GALNT15: variants seen among roughly 807,000 people sequenced by gnomAD.
The protein encoded by GALNT15 is polypeptide N-acetylgalactosaminyltransferase 15, also known as UDP-GalNAc transferase T15.
GALNT15 carries 67 observed loss-of-function variants against 66.8 expected under a neutral mutation model. That is an observed-to-expected ratio of 1.00 (90% confidence interval 0.82 to 1.23). GALNT15 has a LOEUF of 1.23. GALNT15 is among the 50% of genes most tolerant of loss of function. GALNT15 has a pLI of 0.00. For synonymous variants in GALNT15, 313 were observed against 311.5 expected (o/e 1.00, Z -0.05); for missense variants, 827 against 804.3 (o/e 1.03, Z -0.34).
At position 16,209,644 on chromosome 3, in the gene GALNT15, C is replaced by A. The variant is rs935374223; in HGVS notation, c.1079+974C>A. Among the ~76,000 whole-genome samples, 1 of 152,022 alleles carries A rather than the reference C, an allele frequency of 6.6e-6. No homozygotes were observed. The highest frequency in any genetic ancestry group is 1.5e-5 in the Non-Finnish European group (1 of 68,010). On this transcript the variant is annotated intron_variant, in intron 4 of 9. Coordinates refer to ENST00000339732, the MANE Select transcript of GALNT15 (RefSeq NM_054110.5). This position sits in a 1 kb window ranked among gnomAD's most constrained non-coding sequence, Gnocchi z 4.1. ...ACCAACCTGGCCATCATGGCGAAACCCCATCTCTACTAAAATTACAAAAAA... is the reference window on the plus strand; with the variant it reads ...ACCAACCTGGCCATCATGGCGAAACACCATCTCTACTAAAATTACAAAAAA...
Position 16,227,590 on chromosome 3 carries a change from C to A in GALNT15, c.*90C>A, listed in dbSNP as rs2064036617. On this transcript the variant is annotated 3_prime_UTR_variant, in exon 10 of 10. Transcript: ENST00000339732. This position sits in a 1 kb window ranked among gnomAD's most constrained non-coding sequence, Gnocchi z 4.5. Reference sequence around the variant, plus strand: ...AGCTTATATATTTCATGAAGCTGATCCTTTTGTGTGTGTGCTCCTGGTGTT... The same window carrying A: ...AGCTTATATATTTCATGAAGCTGATACTTTTGTGTGTGTGCTCCTGGTGTT... The A allele has an allele frequency of 6.2e-7, 1 of 1,606,288 alleles. No individual in the cohort carries two copies. The highest frequency in any genetic ancestry group is 8.5e-7 in the Non-Finnish European group (1 of 1,177,650).
chr3:16,229,908 C>T lies in GALNT15; in HGVS notation c.*2408C>T, dbSNP rs1374000462. 6.6e-6 allele frequency among the ~76,000 whole-genome samples: 1 copy of T among 152,174 alleles called. No homozygotes were observed. Among genetic ancestry groups the T allele is most frequent in the African/African-American group, 2.4e-5 (1 of 41,438 alleles). ...CAACTCAGTCCCTGGCTGGTATTTA[C>T]AGACCCTTAATTTAAGTAAAACAGA... On this transcript the variant is annotated 3_prime_UTR_variant, in exon 10 of 10. Transcript: ENST00000339732.
At chr3:16,190,671 C>G (rs922578399) in intron 1 of GALNT15, among the ~76,000 whole-genome samples, 19 of 151,514 alleles carry the variant, frequency 1.3e-4, no homozygotes, top group African/African-American at 3.9e-4. Context: ...ACAAAAGAAT[C>G]CCTGGCTTTT....
chr3:16,240,603 A>T, the GALNT15 span, among the ~76,000 whole-genome samples: 4 of 152,210 alleles, frequency 2.6e-5, no homozygotes, highest in Admixed American at 1.3e-4. Context: ...TGCCATGGGG[A>T]TATGCCCAGC....
chr3:16,238,342 G>C, the GALNT15 span, among the ~76,000 whole-genome samples: 1 of 151,964 alleles, frequency 6.6e-6, no homozygotes, highest in East Asian at 1.9e-4. The surrounding 1 kb of genome is among the most constrained non-coding windows in gnomAD (Gnocchi z 4.8). Flanking sequence ...CAACCATAGT[G>C]CTAAGGCTGT....
chr3:16,220,164 C>T, intron 8 of GALNT15, 150 bp downstream of exon 8: 1 of 653,912 alleles, frequency 1.5e-6, no homozygotes, highest in Non-Finnish European at 2.8e-6. Flanking sequence ...ACTGTAATGA[C>T]TCATCACAGC....
rs2063690275 is a variant in GALNT15 at position 16,200,655 on chromosome 3, G to C, written c.743G>C (p.Arg248Thr). ...LKSALSEYVA[R>T]LEGVKLLRSN... ...TCTGCTCTCAGCGAATATGTGGCCA[G>C]GCTGGAGGGGGTGAAGTTACTCAGG... The change falls in exon 3 of 10, where the codon AGG (arginine) becomes ACG (threonine). Residue 248 changes from arginine to threonine, a missense_variant. Physicochemically the swap from Arg to Thr is moderately conservative, Grantham distance 71. Transcript: ENST00000339732. This position sits in a 1 kb window ranked among gnomAD's most constrained non-coding sequence, Gnocchi z 4.4. 6.3e-7 allele frequency: 1 copy of C among 1,595,480 alleles called. No homozygotes were observed. The highest frequency in any genetic ancestry group is 1.3e-5 in the African/African-American group (1 of 74,422).
chr3:16,229,725 T>G lies in GALNT15; in HGVS notation c.*2225T>G. On this transcript the variant is annotated 3_prime_UTR_variant, in exon 10 of 10. Coordinates refer to ENST00000339732, the MANE Select transcript of GALNT15 (RefSeq NM_054110.5). ...GCTGGGATAAATTAATATAATTAAA[T>G]AAAAGACTGAATTTAATTGCATAAA... 1.0e-6 allele frequency: 1 copy of G among 978,532 alleles called. No individual in the cohort carries two copies. Among genetic ancestry groups the G allele is most frequent in the African/African-American group, 1.7e-5 (1 of 57,196 alleles). 60.6% of individuals were successfully genotyped at this position (978,532 alleles called of 1,614,324 possible).
At chr3:16,232,502 AT>A (rs1559698394), downstream of GALNT15, among the ~76,000 whole-genome samples, 9 of 87,342 alleles carry the variant, frequency 1.0e-4, no homozygotes, top group African/African-American at 4.6e-4. Flanking sequence ...ATATATATAT[AT>A]ATATATATTT....
chr3:16,219,789 G>GTGGCCTGAA lies in GALNT15; in HGVS notation c.1525-120_1525-112dup. ...CTTCAGCTTTACCACACCTGTTGTTGTGGCCTGAACAATGTGCCTTGGGCT... is the reference window on the plus strand; with the variant it reads ...CTTCAGCTTTACCACACCTGTTGTTGTGGCCTGAATGGCCTGAACAATGTGCCTTGGGCT... On this transcript the variant is annotated intron_variant, in intron 7 of 9. Coordinates refer to ENST00000339732, the MANE Select transcript of GALNT15 (RefSeq NM_054110.5). This position sits in a 1 kb window ranked among gnomAD's most constrained non-coding sequence, Gnocchi z 4.3. The GTGGCCTGAA allele has an allele frequency of 1.1e-6, 1 of 918,492 alleles. No homozygotes were observed. The highest frequency in any genetic ancestry group is 1.8e-6 in the Non-Finnish European group (1 of 562,910). The allele number at this position is 918,492 out of a possible 1,614,324, so 56.9% of individuals were successfully genotyped here.
Position 16,211,517 on chromosome 3 carries a change from C to T in GALNT15, c.1197+276C>T, listed in dbSNP as rs998454419. 1.3e-5 allele frequency among the ~76,000 whole-genome samples: 2 copies of T among 152,204 alleles called. No individual in the cohort carries two copies. Among genetic ancestry groups the T allele is most frequent in the East Asian group, 3.8e-4 (2 of 5,200 alleles). ...AACTGCTGTGCGGAGATTCCAGAGG[C>T]TCTCATACATTCTCTATTCACAGCG... On this transcript the variant is annotated intron_variant, in intron 5 of 9. Coordinates refer to ENST00000339732, the MANE Select transcript of GALNT15 (RefSeq NM_054110.5). The surrounding 1 kb of genome is among the most constrained non-coding windows in gnomAD (Gnocchi z 4.3).
chr3:16,227,902 T>G lies in GALNT15; in HGVS notation c.*402T>G. ...TCAAATGGCCTTAACTTGGATTGTC[T>G]GTTTGGCCAACCATGAAAATTAAAG... On this transcript the variant is annotated 3_prime_UTR_variant, in exon 10 of 10. Transcript: ENST00000339732. This position sits in a 1 kb window ranked among gnomAD's most constrained non-coding sequence, Gnocchi z 4.5. 9.9e-7 allele frequency: 1 copy of G among 1,005,604 alleles called. No individual in the cohort carries two copies. The highest frequency in any genetic ancestry group is 1.2e-6 in the Non-Finnish European group (1 of 843,552). 62.3% of individuals were successfully genotyped at this position (1,005,604 alleles called of 1,614,324 possible).
Position 16,222,625 on chromosome 3 carries a change from A to C in GALNT15, c.1640A>C (p.His547Pro), listed in dbSNP as rs199501726. 43 of 1,614,126 alleles carry C rather than the reference A, an allele frequency of 2.7e-5. No individual in the cohort carries two copies. The highest frequency in any genetic ancestry group is 3.3e-5 in the Non-Finnish European group (39 of 1,180,044). Reference protein sequence around the residue: ...SDSRQQQYLQHTSRKEIHFGS... With the variant: ...SDSRQQQYLQPTSRKEIHFGS... Reference sequence around the variant, plus strand: ...TTGCTTCTGTCACAGTACCTGCAGCACACCAGCAGGAAGGAGATTCACTTT... The same window carrying C: ...TTGCTTCTGTCACAGTACCTGCAGCCCACCAGCAGGAAGGAGATTCACTTT... The change falls in exon 9 of 10, where the codon CAC becomes CCC. Residue 547 changes from histidine (H) to proline (P), a missense_variant. By Grantham distance (77) the His-to-Pro change is moderately conservative. Coordinates refer to ENST00000339732, the MANE Select transcript of GALNT15 (RefSeq NM_054110.5).
intron 2 of GALNT15, among the ~76,000 whole-genome samples, chr3:16,199,248 T>C (rs2063674131): frequency 7.3e-6 from 1 of 137,502 alleles, no homozygotes; most frequent in Admixed American, 7.3e-5. Context: ...AATCAAGTTA[T>C]TCTTATCTTA....
At chr3:16,214,702 C>T (rs2063854347) in intron 6 of GALNT15, among the ~76,000 whole-genome samples, 2 of 152,154 alleles carry the variant, frequency 1.3e-5, no homozygotes, top group Non-Finnish European at 2.9e-5. Context: ...GAGAGTGATT[C>T]ATCCTAGACA....
At chr3:16,214,319 T>TA (rs1488056479) in intron 6 of GALNT15, among the ~76,000 whole-genome samples, 9 of 152,232 alleles carry the variant, frequency 5.9e-5, no homozygotes, top group Admixed American at 5.9e-4. Context: ...GTCTGATGGT[T>TA]AAGCCCATGG....
intron 2 of GALNT15, among the ~76,000 whole-genome samples, chr3:16,196,552 A>C (rs1363761595): frequency 6.6e-6 from 1 of 152,178 alleles, no homozygotes; most frequent in African/African-American, 2.4e-5. Flanking sequence ...GAGACAGAGA[A>C]GCCCCCACTT....
At chr3:16,192,898 A>G (rs2063594642) in intron 1 of GALNT15, among the ~76,000 whole-genome samples, 1 of 152,240 alleles carries the variant, frequency 6.6e-6, no homozygotes, top group Non-Finnish European at 1.5e-5. Flanking sequence ...GCTAAAGTCC[A>G]TAGGAATTTA....
intron 6 of GALNT15, among the ~76,000 whole-genome samples, chr3:16,216,109 A>G (rs898435707): frequency 6.6e-6 from 1 of 152,068 alleles, no homozygotes. Context: ...GATGGCAAAA[A>G]AATTTTTAAA....
Sources: gnomAD v4.1 joint callset for allele counts (sites outside exome capture counted in the v4.1 genomes callset) on GRCh38, gnomAD v4.1.1 for gene constraint, Gnocchi (gnomAD v3.1) non-coding constraint, MANE v1.5 for transcripts, NCBI Gene and HGNC (gene_info 2026-07-23, HGNC 2026-07-21) for gene names.